Variants in NUP155 observed in about 807,000 individuals in gnomAD.
The protein encoded by NUP155 is nucleoporin 155.
Under a neutral mutation model 180.4 loss-of-function variants are expected in NUP155, and 71 were observed. The ratio of observed to expected loss-of-function variants is 0.39; its 90% CI spans 0.33 to 0.48. NUP155 has a LOEUF of 0.48. Ranked by LOEUF, NUP155 falls within the 20% of genes least tolerant of loss-of-function variation. The pLI is 0.91. For synonymous variants in NUP155, 582 were observed against 559.5 expected, an observed-to-expected ratio of 1.04 and a Z score of -0.57; for missense variants, 1,553 against 1,648.9, an observed-to-expected ratio of 0.94 and a Z score of 1.01.
At chr5:37,365,802 C>T (rs1233645570) in intron 1 of NUP155, among the ~76,000 whole-genome samples, 1 of 135,074 alleles carries the variant, frequency 7.4e-6, no homozygotes, top group Non-Finnish European at 1.6e-5. Context: ...CAGACGCCTA[C>T]TATGTACACA....
chr5:37,338,947 G>A (rs1745534924), intron 11 of NUP155, among the ~76,000 whole-genome samples: 1 of 151,890 alleles, frequency 6.6e-6, no homozygotes, highest in Non-Finnish European at 1.5e-5. Flanking sequence ...TGCCATGACT[G>A]ACAAATTCAC....
intron 3 of NUP155, among the ~76,000 whole-genome samples, chr5:37,359,525 C>G (rs1015408040): frequency 6.6e-6 from 1 of 152,076 alleles, no homozygotes; most frequent in African/African-American, 2.4e-5. Flanking sequence ...ACAACAGAAC[C>G]CAAATCCAGC....
rs531524075 is a variant in NUP155, at chr5:37,302,773, A to C, written c.3447+6T>G. ...GTGGACACAGCTTAAGATCTTTAGC[A>C]CTTACCTCCATTTTTTCTTCTAATT... On this transcript the variant is annotated splice_donor_region_variant and intron_variant, in intron 29 of 34. Transcript: ENST00000231498. 1.2e-6 allele frequency: 2 copies of C among 1,613,984 alleles called. No homozygotes were observed. The highest frequency in any genetic ancestry group is 3.3e-5 in the Admixed American group (2 of 60,014).
intron 9 of NUP155, among the ~76,000 whole-genome samples, chr5:37,343,910 GA>G (rs1200890626): frequency 6.6e-6 from 1 of 152,034 alleles, no homozygotes; most frequent in Non-Finnish European, 1.5e-5. Flanking sequence ...AAAAAAGGGA[GA>G]AAATGGATCT....
chr5:37,347,743 T>C (rs997691555), intron 9 of NUP155, among the ~76,000 whole-genome samples: 7 of 149,932 alleles, frequency 4.7e-5, no homozygotes, highest in African/African-American at 1.2e-4. Context: ...GGCTCACGCC[T>C]ATAATCTCCA....
intron 1 of NUP155, among the ~76,000 whole-genome samples, chr5:37,366,305 T>C (rs1747580053): frequency 2.0e-5 from 3 of 152,210 alleles, no homozygotes; most frequent in Admixed American, 2.0e-4. Flanking sequence ...AATCTTGAAG[T>C]GTATTATGGA....
chr5:37,294,521 G>C (rs1219476888), intron 32 of NUP155, 56 bp from the exon 33 acceptor site: 1 of 1,527,388 alleles, frequency 6.5e-7, no homozygotes, highest in Non-Finnish European at 9.1e-7. Context: ...ATACTAAAAG[G>C]TAGGTCTTAT....
intron 4 of NUP155, among the ~76,000 whole-genome samples, chr5:37,354,152 G>T (rs1289768467): frequency 1.3e-5 from 2 of 152,142 alleles, no homozygotes; most frequent in South Asian, 2.1e-4. Context: ...CATTTGCTTT[G>T]CTTTTCTTTT....
Position 37,323,981 on chromosome 5 carries a change from T to C in NUP155, c.2207+11A>G. ...GAAAAAGATGAATTAATAAACCCTA[T>C]TTATTCTTACTTTGGATTTCCTAAT... On this transcript the variant is annotated intron_variant, in intron 20 of 34. Coordinates refer to ENST00000231498, the MANE Select transcript of NUP155 (RefSeq NM_153485.3). 5.3e-6 allele frequency: 8 copies of C among 1,517,764 alleles called. No homozygotes were observed. The highest frequency in any genetic ancestry group is 7.3e-6 in the Non-Finnish European group (8 of 1,092,386). The allele number at this position is 1,517,764 out of a possible 1,614,324, so 94.0% of individuals were successfully genotyped here.
chr5:37,325,924 T>C lies in NUP155; in HGVS notation c.2068A>G (p.Ser690Gly). The part of the protein sequence containing the change: ...ASLVVERIFK[S>G]GNREITAIES... ...ACTGCAGTGATCTCTCTGTTGCCAC[T>C]CTTGAATATTCTCTCCACAACTAAG... The change falls in exon 19 of 35, where the codon AGT becomes GGT. Residue 690 changes from serine to glycine, a missense_variant. Physicochemically the swap from Ser to Gly is moderately conservative, Grantham distance 56 (BLOSUM62 0). Coordinates refer to ENST00000231498, the MANE Select transcript of NUP155 (RefSeq NM_153485.3). 1 of 1,611,154 alleles carries C rather than the reference T, an allele frequency of 6.2e-7. No individual in the cohort carries two copies. Among genetic ancestry groups the C allele is most frequent in the Non-Finnish European group, 8.5e-7 (1 of 1,178,218 alleles).
rs1743452661 is a variant in NUP155 at position 37,310,432 on chromosome 5, G to A, written c.2628+120C>T. ...AACCCCTTTCTTAGATGAGGATTCT[G>A]AGGCTAGGAGAGGTTAAGAGATCTA... is the stretch of plus-strand genomic sequence containing the variant. On this transcript the variant is annotated intron_variant, in intron 23 of 34. Coordinates refer to ENST00000231498, the MANE Select transcript of NUP155 (RefSeq NM_153485.3). 8.6e-6 allele frequency: 6 copies of A among 698,212 alleles called. No individual in the cohort carries two copies. In the Admixed American group the frequency reaches 1.6e-4, roughly 18 times the overall value. The allele number at this position is 698,212 out of a possible 1,614,324, so 43.3% of individuals were successfully genotyped here.
chr5:37,331,332 T>C (rs1262226485), intron 14 of NUP155, among the ~76,000 whole-genome samples: 1 of 152,160 alleles, frequency 6.6e-6, no homozygotes, highest in East Asian at 1.9e-4. Context: ...CCCAGCACTT[T>C]AGGAGGCCGA....
intron 9 of NUP155, 128 bp from the exon 10 acceptor site, chr5:37,342,774 T>C (rs1581187534): frequency 3.0e-6 from 2 of 670,154 alleles, no homozygotes; most frequent in East Asian, 6.3e-5. Context: ...TCTCACTCTG[T>C]CACCCAGGCT....
chr5:37,313,793 G>A (rs1034364010), intron 22 of NUP155, among the ~76,000 whole-genome samples: 18 of 152,110 alleles, frequency 1.2e-4, no homozygotes, highest in African/African-American at 4.1e-4. Context: ...GTGAGGCATG[G>A]TGCCCAGTCA....
intron 32 of NUP155, among the ~76,000 whole-genome samples, chr5:37,296,087 G>A (rs1365994258): frequency 2.7e-5 from 4 of 149,430 alleles, no homozygotes; most frequent in South Asian, 2.2e-4. Context: ...CAGCCGCCCC[G>A]TCCGGGAGGT....
chr5:37,339,896 G>A (rs1376267522), intron 11 of NUP155, among the ~76,000 whole-genome samples: 1 of 152,070 alleles, frequency 6.6e-6, no homozygotes, highest in African/African-American at 2.4e-5. Flanking sequence ...ACAAGAAGCT[G>A]TGACTACAGA....
Position 37,337,861 on chromosome 5 carries a change from T to C in NUP155, c.1304A>G (p.Asn435Ser), listed in dbSNP as rs147902256. The change falls in exon 12 of 35, where the codon AAC becomes AGC. Residue 435 changes from asparagine to serine, a missense_variant. Asn to Ser is a conservative substitution (Grantham distance 46). Transcript: ENST00000231498. Reference sequence around the variant, plus strand: ...CTTTTGGAAAGGAAAAGTATCATGGTTGACACACCATAAAATATCATTATC... The same window carrying C: ...CTTTTGGAAAGGAAAAGTATCATGGCTGACACACCATAAAATATCATTATC... The part of the protein sequence containing the change: ...NEDNDILWCV[N>S]HDTFPFQKPM... 801 of 1,612,726 alleles carry C rather than the reference T, an allele frequency of 5.0e-4. 7 individuals are homozygous for C. The highest frequency in any genetic ancestry group is 1.2e-3 in the Middle Eastern group (7 of 6,046).
At chr5:37,352,677 T>C (rs901071776) in intron 5 of NUP155, 60 bp downstream of exon 5, 10 of 1,065,374 alleles carry the variant, frequency 9.4e-6, no homozygotes, top group Non-Finnish European at 1.3e-5. Context: ...CTTTTAACTG[T>C]AATATCAATT....
chr5:37,335,015 G>A (rs60706084), intron 12 of NUP155, among the ~76,000 whole-genome samples: 92 of 152,060 alleles, frequency 6.1e-4, no homozygotes, highest in East Asian at 3.5e-3. Context: ...AAAATTAGCC[G>A]GGTGTGGTGG....
Sources: gnomAD v4.1 joint callset for allele counts (sites outside exome capture counted in the v4.1 genomes callset) on GRCh38, gnomAD v4.1.1 for gene constraint, MANE v1.5 for transcripts, NCBI Gene and HGNC (gene_info 2026-07-23, HGNC 2026-07-21) for gene names.